HDAC9: variants seen among roughly 807,000 people sequenced by gnomAD.
The protein encoded by HDAC9 is MEF-2 interacting transcription repressor (MITR) protein.
A neutral mutation model predicts 139.4 loss-of-function variants in HDAC9; 41 were observed. That is an observed-to-expected ratio of 0.29 (90% confidence interval 0.23 to 0.38). The LOEUF (loss-of-function observed/expected upper bound fraction) is 0.38, where lower values mean the gene tolerates loss of function less well. Ranked by LOEUF, HDAC9 falls within the 10% of genes least tolerant of loss-of-function variation. The probability of loss-of-function intolerance (pLI) is 1.00; values close to 1 mark genes in which losing one functional copy is unlikely to be tolerated. For missense variants in HDAC9, 1,147 were observed against 1,297.0 expected (o/e 0.88, Z 1.78); for synonymous variants, 517 against 476.2 (o/e 1.09, Z -1.12).
At chr7:18,563,415 G>T (rs1446798977) in intron 2 of HDAC9, among the ~76,000 whole-genome samples, 1 of 151,636 alleles carries the variant, frequency 6.6e-6, no homozygotes, top group Non-Finnish European at 1.5e-5. Context: ...TTATTCAATG[G>T]TTATGTTTTT....
chr7:18,340,501 T>C (rs1781922274), intron 1 of HDAC9, among the ~76,000 whole-genome samples: 1 of 151,638 alleles, frequency 6.6e-6, no homozygotes, highest in African/African-American at 2.4e-5. Flanking sequence ...TTGTATCTCC[T>C]TTTATTGGCT....
chr7:18,991,344 A>G (rs1391011570), intron 25 of HDAC9, among the ~76,000 whole-genome samples: 2 of 152,256 alleles, frequency 1.3e-5, no homozygotes, highest in African/African-American at 4.8e-5. Flanking sequence ...TACTGGAAAG[A>G]TAAAGAAGTC....
chr7:18,743,945 C>G (rs1787692423), intron 13 of HDAC9, among the ~76,000 whole-genome samples: 1 of 149,826 alleles, frequency 6.7e-6, no homozygotes, highest in South Asian at 2.1e-4. Context: ...ATTCTCTAGC[C>G]TCACAAATTT....
At chr7:18,588,741 A>T (rs533841348) in intron 3 of HDAC9, among the ~76,000 whole-genome samples, 11 of 152,196 alleles carry the variant, frequency 7.2e-5, no homozygotes, top group Admixed American at 2.0e-4. Flanking sequence ...TGTGTGAAAA[A>T]AATATATTGC....
chr7:18,387,378 C>T (rs1332786560), intron 1 of HDAC9, among the ~76,000 whole-genome samples: 3 of 152,212 alleles, frequency 2.0e-5, no homozygotes, highest in Non-Finnish European at 2.9e-5. Flanking sequence ...AAAAGTCCCA[C>T]ATTTTATTCT....
At chr7:18,722,744 A>G (rs1164694679) in intron 12 of HDAC9, among the ~76,000 whole-genome samples, 1 of 152,172 alleles carries the variant, frequency 6.6e-6, no homozygotes, top group Non-Finnish European at 1.5e-5. Flanking sequence ...TATACATTGA[A>G]AGCCATATTT....
At position 18,441,823 on chromosome 7, in the gene HDAC9, C is replaced by T. The variant is rs867941820; in HGVS notation, c.-41-54439C>T. Among the ~76,000 whole-genome samples the T allele has an allele frequency of 3.9e-5, 6 of 152,172 alleles. No homozygotes were observed. In the South Asian group the frequency reaches 6.2e-4, roughly 16 times the overall value. ...TCACTCTGTCGCTCAGGCTGGAGTGCATGGCGCCATCACAGCTCACTGCAA... is the reference window on the plus strand; with the variant it reads ...TCACTCTGTCGCTCAGGCTGGAGTGTATGGCGCCATCACAGCTCACTGCAA... On this transcript the variant is annotated intron_variant, in intron 1 of 3. Transcript: ENST00000413509.
intron 17 of HDAC9, among the ~76,000 whole-genome samples, chr7:18,813,797 A>G (rs936624628): frequency 3.9e-5 from 6 of 152,156 alleles, no homozygotes; most frequent in African/African-American, 1.4e-4. Context: ...ACAAATAAAC[A>G]CTTAAAAACT....
intron 2 of HDAC9, among the ~76,000 whole-genome samples, chr7:18,245,293 A>G (rs551861807): frequency 2.6e-5 from 4 of 152,326 alleles, no homozygotes; most frequent in South Asian, 2.1e-4. Flanking sequence ...ATCAGAGGCT[A>G]TGCTATCAAA....
chr7:18,537,397 G>A (rs1031339286), intron 2 of HDAC9, among the ~76,000 whole-genome samples: 2 of 152,058 alleles, frequency 1.3e-5, no homozygotes, highest in Non-Finnish European at 2.9e-5. Context: ...GTATCGAATT[G>A]CATTTTACAG....
At chr7:18,705,667 A>G in intron 12 of HDAC9, among the ~76,000 whole-genome samples, 1 of 151,876 alleles carries the variant, frequency 6.6e-6, no homozygotes. Flanking sequence ...CCTGGCCAAC[A>G]TGCCGAAACC....
Position 18,568,034 on chromosome 7 carries a change from A to G in HDAC9, c.23-17247A>G, listed in dbSNP as rs868390663. On this transcript the variant is annotated intron_variant, in intron 2 of 25. Coordinates refer to ENST00000686413, the MANE Select transcript of HDAC9 (RefSeq NM_178425.4). ...ACAGGATATATGTATATGTATATATATATATATATATATATATATGTAAGC... is the reference window on the plus strand; with the variant it reads ...ACAGGATATATGTATATGTATATATGTATATATATATATATATATGTAAGC... Among the ~76,000 whole-genome samples the G allele has an allele frequency of 1.2e-4, 16 of 135,354 alleles. 1 individual carries two copies. The highest frequency in any genetic ancestry group is 1.9e-4 in the African/African-American group (6 of 31,848). The allele number at this position is 135,354 out of a possible 152,430, so 88.8% of individuals were successfully genotyped here.
chr7:18,478,323 G>A (rs890949813), intron 1 of HDAC9, among the ~76,000 whole-genome samples: 3 of 152,086 alleles, frequency 2.0e-5, no homozygotes, highest in African/African-American at 2.4e-5. Context: ...CGCCTGCCTC[G>A]GCCTCCCAAA....
intron 12 of HDAC9, among the ~76,000 whole-genome samples, chr7:18,695,200 A>G (rs1321197241): frequency 3.9e-5 from 6 of 152,186 alleles, no homozygotes; most frequent in Non-Finnish European, 8.8e-5. Context: ...TGATAACACT[A>G]TTAGCAATGA....
Position 18,358,585 on chromosome 7 carries a change from G to T in HDAC9, c.-42+68070G>T, listed in dbSNP as rs146718293. The stretch of plus-strand genomic sequence containing the variant: ...GGAATTTGGAAAAAATTGAAATATG[G>T]GAGCAGATGAGAACATGAAGAACTT... On this transcript the variant is annotated intron_variant, in intron 1 of 3. Transcript: ENST00000413509. Among the ~76,000 whole-genome samples the T allele has an allele frequency of 2.6e-4, 40 of 152,246 alleles. No individual in the cohort carries two copies. The East Asian group carries it at 7.7e-3, about 29-fold the overall frequency.
At chr7:18,987,261 G>T (rs1023973245) in intron 25 of HDAC9, among the ~76,000 whole-genome samples, 1 of 152,094 alleles carries the variant, frequency 6.6e-6, no homozygotes, top group Non-Finnish European at 1.5e-5. Flanking sequence ...TAATTTATTG[G>T]GAGTTTTTAG....
At chr7:18,395,679 T>A (rs1262623590) in intron 1 of HDAC9, among the ~76,000 whole-genome samples, 6 of 152,158 alleles carry the variant, frequency 3.9e-5, no homozygotes, top group Non-Finnish European at 1.5e-5. Context: ...ATACATTTTA[T>A]GTATCGGAAA....
At chr7:18,466,279 C>T (rs986739648) in intron 1 of HDAC9, among the ~76,000 whole-genome samples, 1 of 152,316 alleles carries the variant, frequency 6.6e-6, no homozygotes, top group East Asian at 1.9e-4. Flanking sequence ...TCAGTGCAAC[C>T]TCTGCCTCCC....
At chr7:18,852,764 A>G (rs1797394294) in intron 21 of HDAC9, among the ~76,000 whole-genome samples, 1 of 152,160 alleles carries the variant, frequency 6.6e-6, no homozygotes, top group Admixed American at 6.6e-5. Context: ...CTGCACTGAC[A>G]GGGAATGATC....
Sources: gnomAD v4.1 joint callset for allele counts (sites outside exome capture counted in the v4.1 genomes callset) on GRCh38, gnomAD v4.1.1 for gene constraint, MANE v1.5 for transcripts, NCBI Gene and HGNC (gene_info 2026-07-23, HGNC 2026-07-21) for gene names.